KLRG2: variants seen among roughly 807,000 people sequenced by gnomAD.
KLRG2 encodes the protein killer cell lectin-like receptor subfamily G member 2.
A neutral mutation model predicts 35.4 loss-of-function variants in KLRG2; 39 were observed. The observed-to-expected ratio is 1.10, with a 90% CI of 0.85 to 1.44. KLRG2 has a LOEUF of 1.44. Ranked by LOEUF, KLRG2 falls within the 40% of genes most tolerant of loss-of-function variation. The pLI, the probability that KLRG2 is intolerant of heterozygous loss-of-function variation, is 0.00. For missense variants in KLRG2, 632 were observed against 570.9 expected (o/e 1.11, Z -1.09); for synonymous variants, 283 against 265.8 (o/e 1.06, Z -0.63).
intron 3 of KLRG2, among the ~76,000 whole-genome samples, chr7:139,467,159 CT>C (rs1196487385): frequency 6.6e-6 from 1 of 152,156 alleles, no homozygotes; most frequent in Admixed American, 6.5e-5. Flanking sequence ...CATGTCGCCC[CT>C]AATCCCGCTC....
At chr7:139,451,226 A>T (rs1486140142), downstream of KLRG2, among the ~76,000 whole-genome samples, 1 of 152,208 alleles carries the variant, frequency 6.6e-6, no homozygotes, top group Non-Finnish European at 1.5e-5. Context: ...CAGGCCGTGC[A>T]CCGTGGCTCA....
chr7:139,477,218 TCTGGGTATATACTCTAAGAACTG>T (rs1337228864), intron 3 of KLRG2, among the ~76,000 whole-genome samples: 1 of 152,144 alleles, frequency 6.6e-6, no homozygotes, highest in Non-Finnish European at 1.5e-5. Context: ...AATTCTCACT[TCTGGGTATATACTCTAAGAACTG>T]AAAACAGGGT....
Position 139,454,158 on chromosome 7 carries a change from G to A in KLRG2, c.1062C>T (p.Gly354=), listed in dbSNP as rs186731957. The A allele has an allele frequency of 6.4e-4, 996 of 1,545,128 alleles. 8 individuals carry two copies. In the African/African-American group the frequency reaches 0.012, roughly 19 times the overall value. The part of the protein sequence containing the change: ...SRHSWVGAWR[G]PQGWHWIDEA... Reference sequence around the variant, plus strand: ...CGTCGATCCAGTGCCAGCCCTGGGGGCCTCGCCAGGCCCCCACCCAGGAGT... The same window carrying A: ...CGTCGATCCAGTGCCAGCCCTGGGGACCTCGCCAGGCCCCCACCCAGGAGT... The change falls in exon 4 of 5, where the codon GGC becomes GGT. Residue 354 remains glycine, a synonymous_variant. Transcript: ENST00000340940.
At chr7:139,476,981 C>G (rs1033088290) in intron 3 of KLRG2, among the ~76,000 whole-genome samples, 1 of 152,118 alleles carries the variant, frequency 6.6e-6, no homozygotes, top group African/African-American at 2.4e-5. Context: ...TTATTGAATC[C>G]CCCTTGCCAA....
At chr7:139,446,747 G>A in the KLRG2 span, among the ~76,000 whole-genome samples, 12,454 of 151,700 alleles carry the variant, frequency 0.082, 958 homozygotes, top group African/African-American at 0.2. Flanking sequence ...TCCGACCATC[G>A]GCTTCTGACA....
the KLRG2 span, among the ~76,000 whole-genome samples, chr7:139,441,805 TCTCTTCTGGCCAC>T: frequency 3.9e-5 from 6 of 152,074 alleles, no homozygotes; most frequent in Admixed American, 6.6e-5. Flanking sequence ...TGAATAGGGC[TCTCTTCTGGCCAC>T]CACGTTCTGA....
chr7:139,440,580 A>T, the KLRG2 span, among the ~76,000 whole-genome samples: 1 of 151,964 alleles, frequency 6.6e-6, no homozygotes, highest in East Asian at 1.9e-4. Flanking sequence ...TTATAACAAC[A>T]TTAGTCAAAT....
At chr7:139,428,441 C>T in the KLRG2 span, among the ~76,000 whole-genome samples, 4 of 152,004 alleles carry the variant, frequency 2.6e-5, no homozygotes, top group Admixed American at 2.0e-4. Context: ...TTTTTTTTTG[C>T]AGAGATGGGA....
intron 3 of KLRG2, among the ~76,000 whole-genome samples, chr7:139,467,839 G>T (rs1244127825): frequency 6.6e-6 from 1 of 152,144 alleles, no homozygotes; most frequent in Non-Finnish European, 1.5e-5. Flanking sequence ...GGTCTGTGCT[G>T]AGGAGCATTA....
chr7:139,480,141 C>T lies in KLRG2; in HGVS notation c.859+5G>A. 1.2e-6 allele frequency: 2 copies of T among 1,600,344 alleles called. No individual in the cohort carries two copies. Among genetic ancestry groups the T allele is most frequent in the Non-Finnish European group, 1.7e-6 (2 of 1,167,502 alleles). On this transcript the variant is annotated splice_donor_5th_base_variant and intron_variant, in intron 2 of 4. Coordinates refer to ENST00000340940, the MANE Select transcript of KLRG2 (RefSeq NM_198508.4). ...GAGGGGATGGGGACTGCAGGGACAC[C>T]ATACCTGCTCTTGAGGCCAGGACCA... is the stretch of plus-strand genomic sequence containing the variant.
chr7:139,458,893 T>C (rs1796522484), intron 3 of KLRG2, among the ~76,000 whole-genome samples: 1 of 152,202 alleles, frequency 6.6e-6, no homozygotes, highest in Admixed American at 6.5e-5. Flanking sequence ...GGTGCGTTCC[T>C]GGGGTTTGTG....
chr7:139,463,034 C>T (rs1391400215), intron 3 of KLRG2, among the ~76,000 whole-genome samples: 6 of 152,284 alleles, frequency 3.9e-5, no homozygotes, highest in Middle Eastern at 3.4e-3. Context: ...CTTACAGTTT[C>T]GTTCTGCGAC....
At chr7:139,440,723 T>C in the KLRG2 span, among the ~76,000 whole-genome samples, 1 of 152,152 alleles carries the variant, frequency 6.6e-6, no homozygotes, top group Non-Finnish European at 1.5e-5. Flanking sequence ...TAGCTGGGAC[T>C]ACAAGCTTGC....
At chr7:139,451,971 T>C (rs538322498), downstream of KLRG2, among the ~76,000 whole-genome samples, 17 of 148,354 alleles carry the variant, frequency 1.1e-4, no homozygotes, top group African/African-American at 3.0e-4. Context: ...ATGTCCTTTT[T>C]TTTTTTTTTT....
the KLRG2 span, among the ~76,000 whole-genome samples, chr7:139,444,073 G>A: frequency 1.3e-5 from 2 of 152,190 alleles, no homozygotes; most frequent in African/African-American, 2.4e-5. Flanking sequence ...CATCCAGCAC[G>A]GGAGAAAGAT....
At chr7:139,454,998 C>A (rs892545138) in intron 3 of KLRG2, among the ~76,000 whole-genome samples, 8 of 150,348 alleles carry the variant, frequency 5.3e-5, no homozygotes, top group Admixed American at 5.3e-4. Flanking sequence ...GCAAAAAAGA[C>A]AATGTTTTAA....
intron 3 of KLRG2, among the ~76,000 whole-genome samples, chr7:139,465,086 G>C (rs117716323): frequency 0.076 from 11,517 of 152,108 alleles, 578 homozygotes; most frequent in Non-Finnish European, 0.11. Context: ...ATTGATAGCA[G>C]TTCCACCAGG....
intron 3 of KLRG2, among the ~76,000 whole-genome samples, chr7:139,475,366 C>G (rs1796831829): frequency 6.6e-6 from 1 of 152,032 alleles, no homozygotes; most frequent in South Asian, 2.1e-4. Flanking sequence ...CCCGTCTCTA[C>G]TAAAAATACA....
chr7:139,431,610 G>A, the KLRG2 span, among the ~76,000 whole-genome samples: 4 of 152,116 alleles, frequency 2.6e-5, no homozygotes, highest in African/African-American at 7.2e-5. Flanking sequence ...CCTGCGATCC[G>A]CTAGGCCAGC....
Sources: gnomAD v4.1 joint callset for allele counts (sites outside exome capture counted in the v4.1 genomes callset) on GRCh38, gnomAD v4.1.1 for gene constraint, MANE v1.5 for transcripts, NCBI Gene and HGNC (gene_info 2026-07-23, HGNC 2026-07-21) for gene names.